The following CRYBG2 variants were observed in gnomAD, a reference collection of about 807,000 sequenced individuals.
The protein encoded by CRYBG2 is beta/gamma crystallin domain-containing protein 2.
A neutral mutation model predicts 153.4 loss-of-function variants in CRYBG2; 106 were observed. The ratio of observed to expected loss-of-function variants is 0.69; its 90% CI spans 0.59 to 0.81. The LOEUF is 0.81. CRYBG2 is among the 30% of genes least tolerant of loss of function. The pLI, the probability that CRYBG2 is intolerant of heterozygous loss-of-function variation, is 0.00. For missense variants in CRYBG2, 1,996 were observed against 2,112.0 expected, an observed-to-expected ratio of 0.95 and a Z score of 1.08; for synonymous variants, 851 against 877.8, an observed-to-expected ratio of 0.97 and a Z score of 0.54.
rs762359880 is a variant in CRYBG2, at chr1:26,339,432, G to A, written c.3205-3C>T. ...CTGATTTCCGGGGTGCTGTAGTCCT[G>A]TGGAAGGAGGGGGAAAATTAAATAT... is the stretch of plus-strand genomic sequence containing the variant. On this transcript the variant is annotated splice_polypyrimidine_tract_variant and splice_region_variant and intron_variant, in intron 5 of 19. Coordinates refer to ENST00000308182, the MANE Select transcript of CRYBG2 (RefSeq NM_001039775.4). The A allele has an allele frequency of 2.5e-6, 4 of 1,613,740 alleles. No homozygotes were observed. Among genetic ancestry groups the A allele is most frequent in the Non-Finnish European group, 3.4e-6 (4 of 1,179,994 alleles).
rs2074207504 is a variant in CRYBG2 at position 26,345,745 on chromosome 1, T to G, written c.913A>C (p.Asn305His). 2.5e-6 allele frequency: 4 copies of G among 1,597,260 alleles called. No individual in the cohort carries two copies. The highest frequency in any genetic ancestry group is 1.3e-5 in the African/African-American group (1 of 74,876). ...GIPASAHLPK[N>H]QDAPAACPDR... ...GGACAGGCTGCAGGGGCATCCTGAT[T>G]CTTAGGCAGGTGAGCACTGGCTGGG... Residue 305 changes from asparagine to histidine, a missense_variant, in exon 2 of 20, where the codon AAT becomes CAT. Physicochemically the swap from Asn to His is moderately conservative, Grantham distance 68. Transcript: ENST00000308182.
chr1:26,346,112 T>TGTG lies in CRYBG2; in HGVS notation c.543_545dup (p.Thr182dup). 6.4e-7 allele frequency: 1 copy of TGTG among 1,570,014 alleles called. No individual in the cohort carries two copies. Among genetic ancestry groups the TGTG allele is most frequent in the Non-Finnish European group, 8.6e-7 (1 of 1,161,870 alleles). On this transcript the variant is annotated inframe_insertion, in exon 2 of 20. Coordinates refer to ENST00000308182, the MANE Select transcript of CRYBG2 (RefSeq NM_001039775.4). This position sits in a 1 kb window ranked among gnomAD's most constrained non-coding sequence, Gnocchi z 4.9. ...GCCGGTCCACATGACCTCCCACCAC[T>TGTG]GTGGTGGTCCGCACAGTGCGTGTCA...
In CRYBG2 at chr1:26,331,598, G is replaced by A. The variant is rs147622110; in HGVS notation, c.4205C>T (p.Thr1402Met). ...HGGSWILFDE[T>M]NFEGDQHILS... ...AATGTGCTGGTCACCCTCGAAGTTC[G>A]TCTCATCAAACAGGATCCAGCTAGG... Residue 1402 changes from threonine to methionine, a missense_variant, in exon 15 of 20, where the codon ACG becomes ATG. Physicochemically the swap from Thr to Met is moderately conservative, Grantham distance 81. Coordinates refer to ENST00000308182, the MANE Select transcript of CRYBG2 (RefSeq NM_001039775.4). 311 of 1,614,002 alleles carry A rather than the reference G, an allele frequency of 1.9e-4. 1 individual carries two copies. The highest frequency in any genetic ancestry group is 6.6e-4 in the Middle Eastern group (4 of 6,062).
rs377598227 is a variant in CRYBG2, at chr1:26,324,203, T to C, written c.4686A>G (p.Gln1562=). The C allele has an allele frequency of 2.5e-6, 4 of 1,613,316 alleles. No individual in the cohort carries two copies. Among genetic ancestry groups the C allele is most frequent in the African/African-American group, 2.7e-5 (2 of 74,848 alleles). The change falls in exon 18 of 20, where the codon CAA becomes CAG. Residue 1562 remains glutamine (Q), a synonymous_variant. Coordinates refer to ENST00000308182, the MANE Select transcript of CRYBG2 (RefSeq NM_001039775.4). ...AGTACCAGATGCAGCTACCTCCAGC[T>C]TGGGGGTCGGCGACCACCACACGGC... ...KAGRVVVADP[Q]AGGSCIWYYE...
At chr1:26,347,683 G>A (rs942398577) in intron 1 of CRYBG2, among the ~76,000 whole-genome samples, 1 of 151,844 alleles carries the variant, frequency 6.6e-6, no homozygotes, top group Non-Finnish European at 1.5e-5. Context: ...GTAGAGACGG[G>A]GTTTCGCCGT....
At position 26,339,425 on chromosome 1, in the gene CRYBG2, T is replaced by C. The variant is rs567897019; in HGVS notation, c.3209A>G (p.Tyr1070Cys). ...IGSLRRVVWD[Y>C]STPEISLFSE... The stretch of plus-strand genomic sequence containing the variant: ...GAAGAGGCTGATTTCCGGGGTGCTG[T>C]AGTCCTGTGGAAGGAGGGGGAAAAT... Residue 1070 changes from tyrosine to cysteine, a missense_variant, in exon 6 of 20, where the codon TAC becomes TGC. Physicochemically the swap from Tyr to Cys is radical, Grantham distance 194. Coordinates refer to ENST00000308182, the MANE Select transcript of CRYBG2 (RefSeq NM_001039775.4). 87 of 1,613,914 alleles carry C rather than the reference T, an allele frequency of 5.4e-5. 1 individual carries two copies. In the South Asian group the frequency reaches 5.5e-4, roughly 10 times the overall value.
At chr1:26,334,246 G>A (rs1180615026) in intron 14 of CRYBG2, among the ~76,000 whole-genome samples, 1 of 152,094 alleles carries the variant, frequency 6.6e-6, no homozygotes, top group Admixed American at 6.6e-5. Context: ...AACAAAGTGA[G>A]ACCCCCATCT....
Position 26,336,389 on chromosome 1 carries a change from T to C in CRYBG2, c.4039-19A>G. The C allele has an allele frequency of 6.2e-7, 1 of 1,612,632 alleles. No homozygotes were observed. The highest frequency in any genetic ancestry group is 8.5e-7 in the Non-Finnish European group (1 of 1,179,340). On this transcript the variant is annotated intron_variant, in intron 12 of 19. Coordinates refer to ENST00000308182, the MANE Select transcript of CRYBG2 (RefSeq NM_001039775.4). This position sits in a 1 kb window ranked among gnomAD's most constrained non-coding sequence, Gnocchi z 4.9. ...CCCCGACCTGAAGGTAGGGACCGAATCGAGAATTAGGGAGGGTGCCGGCCC... is the reference window on the plus strand; with the variant it reads ...CCCCGACCTGAAGGTAGGGACCGAACCGAGAATTAGGGAGGGTGCCGGCCC...
At chr1:26,337,887 C>G in intron 8 of CRYBG2, 125 bp downstream of exon 8, 1 of 1,357,638 alleles carries the variant, frequency 7.4e-7, no homozygotes, top group South Asian at 1.4e-5. Context: ...CAGGTCCCAT[C>G]CCCCCAGACC....
rs758124487 is a variant in CRYBG2 at position 26,331,405 on chromosome 1, C to G, written c.4314+84G>C. On this transcript the variant is annotated intron_variant, in intron 15 of 19. Transcript: ENST00000308182. ...AAAAACACTGGAATCAACCCCTGCACCAGCACACAGGTTCTGTGTCCAGAA... is the reference window on the plus strand; with the variant it reads ...AAAAACACTGGAATCAACCCCTGCAGCAGCACACAGGTTCTGTGTCCAGAA... 3 of 1,546,152 alleles carry G rather than the reference C, an allele frequency of 1.9e-6. No individual in the cohort carries two copies. In the South Asian group the frequency reaches 3.5e-5, roughly 18 times the overall value.
At position 26,336,058 on chromosome 1, in the gene CRYBG2, C is replaced by T. The variant is rs1486690836; in HGVS notation, c.4184+37G>A. ...CTCCTCCTGCAGCCCCGCCTCTGCC[C>T]CAGCGCCCCCAGCCCTCCGCCCCTC... On this transcript the variant is annotated intron_variant, in intron 14 of 19. Coordinates refer to ENST00000308182, the MANE Select transcript of CRYBG2 (RefSeq NM_001039775.4). This position sits in a 1 kb window ranked among gnomAD's most constrained non-coding sequence, Gnocchi z 4.9. 7.1e-7 allele frequency: 1 copy of T among 1,407,598 alleles called. No homozygotes were observed. Among genetic ancestry groups the T allele is most frequent in the South Asian group, 1.5e-5 (1 of 65,952 alleles). 87.2% of individuals were successfully genotyped at this position (1,407,598 alleles called of 1,614,324 possible).
chr1:26,323,827 C>A (rs959828315), intron 18 of CRYBG2, among the ~76,000 whole-genome samples: 1 of 152,164 alleles, frequency 6.6e-6, no homozygotes, highest in Non-Finnish European at 1.5e-5. Flanking sequence ...ATCCTCCTGC[C>A]TCGGCCTTCC....
At position 26,345,052 on chromosome 1, in the gene CRYBG2, C is replaced by T. The variant is rs574773046; in HGVS notation, c.1606G>A (p.Gly536Ser). The change falls in exon 2 of 20, where the codon GGT becomes AGT. Residue 536 changes from glycine to serine, a missense_variant. Gly to Ser is a moderately conservative substitution (Grantham distance 56, BLOSUM62 0). Coordinates refer to ENST00000308182, the MANE Select transcript of CRYBG2 (RefSeq NM_001039775.4). The stretch of plus-strand genomic sequence containing the variant: ...GTGGGAAATGAGGCATCAGGAGCAC[C>T]GGGGCCCTTCACGACCTCTTTCCAG... ...PTWKEVVKGPGAPDASFPTWK... is the reference protein window; with the variant it reads ...PTWKEVVKGPSAPDASFPTWK... 691 of 825,974 alleles carry T rather than the reference C, an allele frequency of 8.4e-4. 38 individuals are homozygous for T. Among genetic ancestry groups the T allele is most frequent in the Non-Finnish European group, 9.9e-4 (634 of 637,810 alleles). The allele number at this position is 825,974 out of a possible 1,614,324, so 51.2% of individuals were successfully genotyped here. A position where few individuals can be genotyped will look rare whatever the true frequency, so the allele number is the denominator to read the frequency against.
chr1:26,325,312 C>A lies in CRYBG2; in HGVS notation c.4579-1002G>T, dbSNP rs1202539114. Among the ~76,000 whole-genome samples, 3 of 152,224 alleles carry A rather than the reference C, an allele frequency of 2.0e-5. No individual in the cohort carries two copies. Among genetic ancestry groups the A allele is most frequent in the African/African-American group, 7.2e-5 (3 of 41,462 alleles). ...GAGGCTCACGCCTGTAATCCCAGCA[C>A]TTTGGGAGGCCAAGGCGGGTGGATC... On this transcript the variant is annotated intron_variant, in intron 17 of 19. Transcript: ENST00000308182. The surrounding 1 kb of genome is among the most constrained non-coding windows in gnomAD (Gnocchi z 4.1).
rs565833646 is a variant in CRYBG2, at chr1:26,344,293, G to A, written c.2365C>T (p.Pro789Ser). 5.3e-6 allele frequency: 8 copies of A among 1,514,892 alleles called. No individual in the cohort carries two copies. The South Asian group carries it at 7.4e-5, about 14-fold the overall frequency. The allele number at this position is 1,514,892 out of a possible 1,614,324, so 93.8% of individuals were successfully genotyped here. A position where few individuals can be genotyped will look rare whatever the true frequency, so the allele number is the denominator to read the frequency against. Residue 789 changes from proline (P) to serine (S), a missense_variant, in exon 2 of 20, where the codon CCT becomes TCT. Pro to Ser is a moderately conservative substitution (Grantham distance 74). Coordinates refer to ENST00000308182, the MANE Select transcript of CRYBG2 (RefSeq NM_001039775.4). ...ILRTHRLPRA[P>S]RSSYLSMYAT... ...TACATGGACAGGTAGGAGGAGCGAG[G>A]GGCTCGTGGCAGCCGGTGAGTGCGG... is the stretch of plus-strand genomic sequence containing the variant.
At chr1:26,337,887 C>A in intron 8 of CRYBG2, 125 bp downstream of exon 8, 5 of 1,357,638 alleles carry the variant, frequency 3.7e-6, no homozygotes, top group Non-Finnish European at 5.0e-6. Flanking sequence ...CAGGTCCCAT[C>A]CCCCCAGACC....
Position 26,337,546 on chromosome 1 carries a change from G to A in CRYBG2, c.3636C>T (p.Leu1212=), listed in dbSNP as rs150265885. The part of the protein sequence containing the change: ...HLASVGSLRV[L]GGCWVGYEKE... ...GGGTCCTGAGTTCTCACCAGCCTCC[G>A]AGAACTCTCAGGGACCCCACAGAGG... The change falls in exon 9 of 20, where the codon CTC becomes CTT. Residue 1212 remains leucine (L), a synonymous_variant. Coordinates refer to ENST00000308182, the MANE Select transcript of CRYBG2 (RefSeq NM_001039775.4). 7.2e-5 allele frequency: 116 copies of A among 1,612,106 alleles called. No individual in the cohort carries two copies. In the East Asian group the frequency reaches 1.3e-3, roughly 18 times the overall value.
chr1:26,328,416 A>G, intron 16 of CRYBG2, 84 bp from the exon 17 acceptor site: 1 of 1,511,628 alleles, frequency 6.6e-7, no homozygotes, highest in South Asian at 1.2e-5. Context: ...CACAGACGTC[A>G]AAACGTTCTC....
In CRYBG2 at chr1:26,321,880, T is replaced by C. The variant is rs778286713; in HGVS notation, c.*88A>G. 19 of 1,202,114 alleles carry C rather than the reference T, an allele frequency of 1.6e-5. No individual in the cohort carries two copies. The highest frequency in any genetic ancestry group is 1.7e-5 in the Non-Finnish European group (15 of 878,544). 74.5% of individuals were successfully genotyped at this position (1,202,114 alleles called of 1,614,324 possible). On this transcript the variant is annotated 3_prime_UTR_variant, in exon 20 of 20. Coordinates refer to ENST00000308182, the MANE Select transcript of CRYBG2 (RefSeq NM_001039775.4). Reference sequence around the variant, plus strand: ...GAGACAAGGGTACCTGGCAGCATATTAGAAAATAGCTTATGTTACAACAAA... The same window carrying C: ...GAGACAAGGGTACCTGGCAGCATATCAGAAAATAGCTTATGTTACAACAAA...
Sources: gnomAD v4.1 joint callset for allele counts (sites outside exome capture counted in the v4.1 genomes callset) on GRCh38, gnomAD v4.1.1 for gene constraint, Gnocchi (gnomAD v3.1) non-coding constraint, MANE v1.5 for transcripts, NCBI Gene and HGNC (gene_info 2026-07-23, HGNC 2026-07-21) for gene names.